Variants in LRFN5 observed in about 807,000 individuals in gnomAD.
The protein encoded by LRFN5 is leucine rich repeat and fibronectin type III domain containing 5.
In LRFN5, 24 loss-of-function variants were observed where a neutral mutation model predicts 45.6. The observed-to-expected ratio is 0.53, with a 90% CI of 0.38 to 0.74. The LOEUF (loss-of-function observed/expected upper bound fraction) is 0.74. Among genes scored for constraint, LRFN5 ranks in the 30% least tolerant of loss-of-function variants. LRFN5 has a pLI of 0.00. For synonymous variants in LRFN5, 340 were observed against 313.8 expected (o/e 1.08, Z -0.88); for missense variants, 776 against 861.5 (o/e 0.90, Z 1.24).
chr14:41,617,145 A>G (rs1594552296), intron 1 of LRFN5, among the ~76,000 whole-genome samples: 1 of 152,136 alleles, frequency 6.6e-6, no homozygotes, highest in Non-Finnish European at 1.5e-5. Flanking sequence ...TGAGGATAGC[A>G]CTCAAAGATG....
At chr14:41,673,320 A>T (rs1239020731) in intron 1 of LRFN5, among the ~76,000 whole-genome samples, 1 of 150,360 alleles carries the variant, frequency 6.7e-6, no homozygotes, top group Non-Finnish European at 1.5e-5. Context: ...CACCTCCGGG[A>T]CGAGGCGGCT....
At chr14:41,628,993 C>A (rs892962008) in intron 1 of LRFN5, among the ~76,000 whole-genome samples, 6 of 152,042 alleles carry the variant, frequency 3.9e-5, no homozygotes, top group African/African-American at 1.2e-4. Context: ...CTGTTAAAAT[C>A]CAGTTGTTAG....
intron 1 of LRFN5, among the ~76,000 whole-genome samples, chr14:41,728,514 C>T (rs73307211): frequency 0.045 from 6,822 of 152,174 alleles, 341 homozygotes; most frequent in African/African-American, 0.12. Flanking sequence ...CATCTCCTAT[C>T]TGTCTTTTAA....
intron 2 of LRFN5, among the ~76,000 whole-genome samples, chr14:41,807,201 C>T (rs750495503): frequency 6.6e-6 from 1 of 152,096 alleles, no homozygotes; most frequent in African/African-American, 2.4e-5. Flanking sequence ...TAAAGGATGT[C>T]TATAGACTTG....
chr14:41,904,181 A>C lies in LRFN5; in HGVS notation c.*6A>C. ...AGAGGCTGGAGTTAATCTGAAGAGC[A>C]CCACTTCTCCTCTCTCTCCTGAAAA... On this transcript the variant is annotated 3_prime_UTR_variant, in exon 6 of 6. Coordinates refer to ENST00000298119, the MANE Select transcript of LRFN5 (RefSeq NM_152447.5). The C allele has an allele frequency of 6.2e-7, 1 of 1,608,380 alleles. No homozygotes were observed. The highest frequency in any genetic ancestry group is 8.5e-7 in the Non-Finnish European group (1 of 1,178,388).
chr14:41,725,594 A>G (rs1208954439), intron 1 of LRFN5, among the ~76,000 whole-genome samples: 1 of 152,150 alleles, frequency 6.6e-6, no homozygotes, highest in African/African-American at 2.4e-5. Context: ...TCTTTAATGT[A>G]TACATCTTGT....
Position 41,650,266 on chromosome 14 carries a change from C to CACAA in LRFN5, c.-197+41705_-197+41706insCAAA, listed in dbSNP as rs1247683262. 1.5e-3 allele frequency among the ~76,000 whole-genome samples: 207 copies of CACAA among 135,516 alleles called. 1 individual carries two copies. Among genetic ancestry groups the CACAA allele is most frequent in the Middle Eastern group, 3.7e-3 (1 of 270 alleles). The allele number at this position is 135,516 out of a possible 152,430, so 88.9% of individuals were successfully genotyped here. A position where few individuals can be genotyped will look rare whatever the true frequency, so the allele number is the denominator to read the frequency against. ...ACACACACACACACACACACACACA[C>CACAA]AAAAAAAAAAAAGATACTTGCAACA... is the stretch of plus-strand genomic sequence containing the variant. On this transcript the variant is annotated intron_variant, in intron 1 of 5. Coordinates refer to ENST00000298119, the MANE Select transcript of LRFN5 (RefSeq NM_152447.5).
At chr14:41,904,103 T>C (rs1891177590) in intron 5 of LRFN5, 55 bp from the exon 6 acceptor site, 3 of 1,431,056 alleles carry the variant, frequency 2.1e-6, no homozygotes, top group Non-Finnish European at 2.9e-6. Context: ...GCTATGTGTT[T>C]TCTTTCTTTC....
chr14:41,647,881 G>T (rs907976689), intron 1 of LRFN5, among the ~76,000 whole-genome samples: 12 of 152,096 alleles, frequency 7.9e-5, no homozygotes, highest in African/African-American at 2.7e-4. Flanking sequence ...TTAAACAACA[G>T]GAGAGACAAT....
chr14:41,767,208 C>T (rs1459558454), intron 2 of LRFN5, among the ~76,000 whole-genome samples, 179 bp downstream of exon 2: 1 of 151,278 alleles, frequency 6.6e-6, no homozygotes, highest in Non-Finnish European at 1.5e-5. Flanking sequence ...TCAATGTCTA[C>T]CACTTTTTGT....
At chr14:41,692,143 G>A (rs1882404340) in intron 1 of LRFN5, among the ~76,000 whole-genome samples, 1 of 152,076 alleles carries the variant, frequency 6.6e-6, no homozygotes, top group African/African-American at 2.4e-5. Flanking sequence ...AAATTTGTAA[G>A]AAACTGGTAA....
chr14:41,888,096 A>T, intron 3 of LRFN5, 86 bp downstream of exon 3: 2 of 1,027,334 alleles, frequency 1.9e-6, no homozygotes, highest in South Asian at 3.3e-5. Flanking sequence ...TTTAATTGGC[A>T]GTGCTGTTCT....
intron 2 of LRFN5, among the ~76,000 whole-genome samples, chr14:41,875,315 A>G (rs2139126533): frequency 6.6e-6 from 1 of 152,354 alleles, no homozygotes; most frequent in South Asian, 2.1e-4. Context: ...CTCAACTCCA[A>G]ACTCCTGCTG....
chr14:41,645,706 C>G (rs992532119), intron 1 of LRFN5, among the ~76,000 whole-genome samples: 1 of 152,134 alleles, frequency 6.6e-6, no homozygotes, highest in African/African-American at 2.4e-5. Flanking sequence ...ATCTTTCTTA[C>G]TATTCTCCTC....
intron 1 of LRFN5, among the ~76,000 whole-genome samples, chr14:41,766,441 G>A (rs1240661408): frequency 6.6e-6 from 1 of 152,112 alleles, no homozygotes; most frequent in African/African-American, 2.4e-5. Flanking sequence ...TCAGGATAAG[G>A]GTTTTTCAGG....
intron 1 of LRFN5, among the ~76,000 whole-genome samples, chr14:41,649,731 A>G (rs1478490221): frequency 6.6e-6 from 1 of 152,140 alleles, no homozygotes; most frequent in Admixed American, 6.6e-5. Flanking sequence ...AGGTGGGTTT[A>G]ACCAAAATTC....
At chr14:41,733,277 A>G (rs1373070784) in intron 1 of LRFN5, among the ~76,000 whole-genome samples, 2 of 152,116 alleles carry the variant, frequency 1.3e-5, no homozygotes, top group Non-Finnish European at 2.9e-5. Context: ...TAAATACATT[A>G]TATAATCAAA....
intron 2 of LRFN5, among the ~76,000 whole-genome samples, chr14:41,822,225 C>A (rs953673984): frequency 2.7e-4 from 41 of 151,720 alleles, no homozygotes; most frequent in African/African-American, 9.4e-4. Context: ...TCTTATTTTT[C>A]TATTTCCTTG....
At chr14:41,648,179 C>A (rs79113260) in intron 1 of LRFN5, among the ~76,000 whole-genome samples, 2,613 of 151,854 alleles carry the variant, frequency 0.017, 78 homozygotes, top group African/African-American at 0.06. Context: ...TTCTTTTTAC[C>A]ACCAGTAATT....
Sources: gnomAD v4.1 joint callset for allele counts (sites outside exome capture counted in the v4.1 genomes callset) on GRCh38, gnomAD v4.1.1 for gene constraint, MANE v1.5 for transcripts, NCBI Gene and HGNC (gene_info 2026-07-23, HGNC 2026-07-21) for gene names.